The following SLCO3A1 variants were observed in gnomAD, a reference collection of about 807,000 sequenced individuals.
SLCO3A1 encodes the protein solute carrier organic anion transporter family member 3A1.
A neutral mutation model predicts 63.1 loss-of-function variants in SLCO3A1; 27 were observed. The ratio of observed to expected loss-of-function variants is 0.43; its 90% confidence interval spans 0.32 to 0.59. The LOEUF is 0.59. Among genes scored for constraint, SLCO3A1 ranks in the 20% least tolerant of loss-of-function variants. The pLI is 0.09. For missense variants in SLCO3A1, 773 were observed against 945.8 expected (o/e 0.82, Z 2.40); for synonymous variants, 473 against 409.9 (o/e 1.15, Z -1.86).
chr15:91,874,099 G>T (rs1897341985), intron 1 of SLCO3A1, among the ~76,000 whole-genome samples: 1 of 152,044 alleles, frequency 6.6e-6, no homozygotes, highest in Non-Finnish European at 1.5e-5. Flanking sequence ...TTTCCTATAT[G>T]TATATACCTA....
chr15:92,090,024 C>T (rs1028974088), intron 2 of SLCO3A1, among the ~76,000 whole-genome samples: 3 of 152,090 alleles, frequency 2.0e-5, no homozygotes, highest in East Asian at 1.9e-4. Flanking sequence ...AACCATGATA[C>T]GTATCAACAG....
chr15:92,151,198 T>C (rs563760319), intron 9 of SLCO3A1, 184 bp downstream of exon 9: 48 of 557,494 alleles, frequency 8.6e-5, no homozygotes, highest in African/African-American at 8.1e-4. Flanking sequence ...ACTGCCTCGA[T>C]ATCACGAAGT....
rs1897967737 is a variant in SLCO3A1 at position 91,894,967 on chromosome 15, GTC to G, written c.181-21023_181-21022del. Among the ~76,000 whole-genome samples, 1 of 152,208 alleles carries G rather than the reference GTC, an allele frequency of 6.6e-6. No individual in the cohort carries two copies. The highest frequency in any genetic ancestry group is 1.5e-5 in the Non-Finnish European group (1 of 68,046). ...CTGCATCCTGGACTTGTGGCTGTGA[GTC>G]TCCAGAGACTCAAGGCATTTGCTTT... On this transcript the variant is annotated intron_variant, in intron 1 of 9. Coordinates refer to ENST00000318445, the MANE Select transcript of SLCO3A1 (RefSeq NM_013272.4). The surrounding 1 kb of genome is among the most constrained non-coding windows in gnomAD (Gnocchi z 4.8).
chr15:91,947,746 G>A (rs547595749), intron 2 of SLCO3A1, among the ~76,000 whole-genome samples: 34 of 152,326 alleles, frequency 2.2e-4, no homozygotes, highest in African/African-American at 7.7e-4. Context: ...GCAGCTAGAC[G>A]GGGCAGGTTG....
At chr15:92,020,181 A>G (rs2046490148) in intron 2 of SLCO3A1, among the ~76,000 whole-genome samples, 1 of 152,154 alleles carries the variant, frequency 6.6e-6, no homozygotes, top group African/African-American at 2.4e-5. Flanking sequence ...TTCAGTGTAT[A>G]TGCGATGTGT....
Position 92,068,461 on chromosome 15 carries a change from C to A in SLCO3A1, c.647-26420C>A, listed in dbSNP as rs1438240692. ...ATAACTAAATTCATTCATAGCCCAACCACACTGGGATGCATGAGCTTCCTC... is the reference window on the plus strand; with the variant it reads ...ATAACTAAATTCATTCATAGCCCAAACACACTGGGATGCATGAGCTTCCTC... On this transcript the variant is annotated intron_variant, in intron 2 of 9. Coordinates refer to ENST00000318445, the MANE Select transcript of SLCO3A1 (RefSeq NM_013272.4). 6.6e-5 allele frequency among the ~76,000 whole-genome samples: 10 copies of A among 152,300 alleles called. No individual in the cohort carries two copies. The South Asian group carries it at 1.9e-3, about 28-fold the overall frequency.
intron 2 of SLCO3A1, among the ~76,000 whole-genome samples, chr15:91,985,950 G>A (rs577329254): frequency 7.2e-5 from 11 of 152,282 alleles, no homozygotes; most frequent in Admixed American, 2.0e-4. Context: ...TGGGTTGGGG[G>A]AAGAGGGTGC....
rs1383721238 is a variant in SLCO3A1 at position 91,915,999 on chromosome 15, G to A, written c.187G>A (p.Val63Ile). 6.2e-7 allele frequency: 1 copy of A among 1,611,840 alleles called. No individual in the cohort carries two copies. Among genetic ancestry groups the A allele is most frequent in the Non-Finnish European group, 8.5e-7 (1 of 1,179,394 alleles). ...TTCTTCTTGCCCCCCTCAGGTGAGC[G>A]TCCTGACCACCCTGGAGCGTAGGTT... is the stretch of plus-strand genomic sequence containing the variant. ...QGTVGAYLVS[V>I]LTTLERRFNL... Residue 63 changes from valine to isoleucine, a missense_variant, in exon 2 of 10, where the codon GTC (valine) becomes ATC (isoleucine). By Grantham distance (29) the Val-to-Ile change is conservative (BLOSUM62 3). Coordinates refer to ENST00000318445, the MANE Select transcript of SLCO3A1 (RefSeq NM_013272.4).
chr15:91,868,186 G>T (rs1192758526), intron 1 of SLCO3A1, among the ~76,000 whole-genome samples: 1 of 151,860 alleles, frequency 6.6e-6, no homozygotes, highest in Non-Finnish European at 1.5e-5. Flanking sequence ...CTAGTAGCTG[G>T]GATTACAGGA....
rs769670415 is a variant in SLCO3A1, at chr15:91,916,325, G to A, written c.513G>A (p.Thr171=). 19 of 1,598,770 alleles carry A rather than the reference G, an allele frequency of 1.2e-5. No homozygotes were observed. Among genetic ancestry groups the A allele is most frequent in the South Asian group, 6.8e-5 (6 of 88,888 alleles). The part of the protein sequence containing the change: ...PDPDLICRNR[T]ATNMMYLLLI... ...CCGACCTCATCTGCCGCAACCGGAC[G>A]GCTACCAACATGATGTACTTGCTGC... is the stretch of plus-strand genomic sequence containing the variant. The change falls in exon 2 of 10, where the codon ACG becomes ACA. Residue 171 remains threonine (T), a synonymous_variant. Coordinates refer to ENST00000318445, the MANE Select transcript of SLCO3A1 (RefSeq NM_013272.4). The surrounding 1 kb of genome is among the most constrained non-coding windows in gnomAD (Gnocchi z 6.2).
intron 2 of SLCO3A1, among the ~76,000 whole-genome samples, chr15:92,029,998 T>C (rs1163262305): frequency 6.6e-6 from 1 of 152,168 alleles, no homozygotes; most frequent in Non-Finnish European, 1.5e-5. Context: ...GCATTATTAC[T>C]CTAATAAAAT....
intron 2 of SLCO3A1, among the ~76,000 whole-genome samples, chr15:92,084,889 C>A (rs963949915): frequency 6.6e-6 from 1 of 152,206 alleles, no homozygotes; most frequent in African/African-American, 2.4e-5. Context: ...CAAGAGCAGG[C>A]CTTCCAGTGA....
Position 91,856,061 on chromosome 15 carries a change from C to G in SLCO3A1, c.180+1973C>G, listed in dbSNP as rs1255091741. Among the ~76,000 whole-genome samples, 1 of 151,844 alleles carries G rather than the reference C, an allele frequency of 6.6e-6. No homozygotes were observed. The highest frequency in any genetic ancestry group is 2.4e-5 in the African/African-American group (1 of 41,272). On this transcript the variant is annotated intron_variant, in intron 1 of 9. Transcript: ENST00000318445. The surrounding 1 kb of genome is among the most constrained non-coding windows in gnomAD (Gnocchi z 4.9). ...TTAGAAAGTTAAGAAGCCGAGTACT[C>G]CTGGAGTGGTGGACTTCTGGAGGCA...
intron 1 of SLCO3A1, among the ~76,000 whole-genome samples, chr15:91,892,752 TTCTGATTCCATA>T (rs1411932621): frequency 6.6e-6 from 1 of 152,228 alleles, no homozygotes; most frequent in Non-Finnish European, 1.5e-5. Flanking sequence ...TAGATTCCAG[TTCTGATTCCATA>T]TCTCACCAGC....
intron 2 of SLCO3A1, among the ~76,000 whole-genome samples, chr15:92,006,629 C>T (rs2046315992): frequency 6.6e-6 from 1 of 152,082 alleles, no homozygotes; most frequent in Non-Finnish European, 1.5e-5. Flanking sequence ...AAAATTCCAG[C>T]AGGAAAAAAA....
At chr15:91,990,067 G>A (rs753276027) in intron 2 of SLCO3A1, among the ~76,000 whole-genome samples, 1 of 152,070 alleles carries the variant, frequency 6.6e-6, no homozygotes, top group African/African-American at 2.4e-5. Context: ...TCTATCCTTC[G>A]CATACCATAG....
At chr15:92,167,953 G>C (rs1441500117), downstream of SLCO3A1, among the ~76,000 whole-genome samples, 2 of 148,144 alleles carry the variant, frequency 1.4e-5, no homozygotes, top group African/African-American at 2.6e-5. Context: ...GAGTTTATTT[G>C]GGCGTGCATT....
chr15:92,103,494 C>T (rs1251998380), intron 3 of SLCO3A1, among the ~76,000 whole-genome samples: 1 of 150,740 alleles, frequency 6.6e-6, no homozygotes, highest in East Asian at 1.9e-4. Context: ...AGAGCTGGTG[C>T]CAAACCACAG....
At chr15:92,000,470 A>G (rs1597207524) in intron 2 of SLCO3A1, among the ~76,000 whole-genome samples, 1 of 151,878 alleles carries the variant, frequency 6.6e-6, no homozygotes, top group Non-Finnish European at 1.5e-5. Flanking sequence ...GGTCATGCAA[A>G]TGTTTTGGAA....
Sources: gnomAD v4.1 joint callset for allele counts (sites outside exome capture counted in the v4.1 genomes callset) on GRCh38, gnomAD v4.1.1 for gene constraint, Gnocchi (gnomAD v3.1) non-coding constraint, MANE v1.5 for transcripts, NCBI Gene and HGNC (gene_info 2026-07-23, HGNC 2026-07-21) for gene names.